DCDC1: variants seen among roughly 807,000 people sequenced by gnomAD.
DCDC1 encodes doublecortin domain containing 1, also known as doublecortin domain-containing protein 1.
A neutral mutation model predicts 178.3 loss-of-function variants in DCDC1; 200 were observed. The ratio of observed to expected loss-of-function variants is 1.12; its 90% CI spans 1.00 to 1.26. DCDC1 has a LOEUF of 1.26. DCDC1 is among the 50% of genes most tolerant of loss of function. The pLI, the probability that DCDC1 is intolerant of heterozygous loss-of-function variation, is 0.00. For synonymous variants in DCDC1, 690 were observed against 604.8 expected (o/e 1.14, Z -2.07); for missense variants, 1,983 against 1,749.2 (o/e 1.13, Z -2.38).
chr11:30,899,087 T>C (rs7931000), intron 34 of DCDC1, among the ~76,000 whole-genome samples: 2,708 of 152,026 alleles, frequency 0.018, 85 homozygotes, highest in African/African-American at 0.062. Flanking sequence ...CTTCTGAAGA[T>C]TTTAGTACTT....
Position 30,922,531 on chromosome 11 carries a change from T to G in DCDC1, c.3105A>C (p.Gln1035His). Residue 1035 changes from glutamine to histidine, a missense_variant, in exon 24 of 39, where the codon CAA (glutamine) becomes CAC (histidine). By Grantham distance (24) the Gln-to-His change is conservative. Transcript: ENST00000684477. ...RNLESDIAKI[Q>H]IFCSTHKIEA... ...CTATTTTATGTGTGCTGCAGAAGAT[T>G]TGAATTTTGGCAATGTCTGATTCTA... 1 of 1,572,448 alleles carries G rather than the reference T, an allele frequency of 6.4e-7. No homozygotes were observed. The highest frequency in any genetic ancestry group is 1.2e-5 in the South Asian group (1 of 83,092).
At chr11:31,050,108 A>T (rs1413896672) in intron 20 of DCDC1, among the ~76,000 whole-genome samples, 1 of 152,104 alleles carries the variant, frequency 6.6e-6, no homozygotes, top group Non-Finnish European at 1.5e-5. Context: ...GCCTCAGGCA[A>T]ATTTTCAAGT....
At chr11:30,924,883 AG>A (rs947756210) in intron 23 of DCDC1, among the ~76,000 whole-genome samples, 1 of 152,062 alleles carries the variant, frequency 6.6e-6, no homozygotes, top group African/African-American at 2.4e-5. Flanking sequence ...GACCAGCCTG[AG>A]CAACATGTTG....
At chr11:31,026,192 A>G (rs1953221176) in intron 20 of DCDC1, among the ~76,000 whole-genome samples, 1 of 151,768 alleles carries the variant, frequency 6.6e-6, no homozygotes, top group South Asian at 2.1e-4. Flanking sequence ...CAAAAAAGAG[A>G]GAGATAAAAA....
intron 9 of DCDC1, among the ~76,000 whole-genome samples, chr11:31,238,907 T>C (rs1253591437): frequency 6.6e-6 from 1 of 152,112 alleles, no homozygotes. Context: ...TTGCATGCTA[T>C]AACAGCCAAG....
chr11:30,892,383 A>G (rs907798871), intron 36 of DCDC1, among the ~76,000 whole-genome samples: 3 of 152,086 alleles, frequency 2.0e-5, no homozygotes, highest in African/African-American at 7.2e-5. Flanking sequence ...GTGGTGGGTA[A>G]AAAAAGTTAC....
At chr11:30,956,536 G>A (rs562600832) in intron 20 of DCDC1, among the ~76,000 whole-genome samples, 3 of 152,216 alleles carry the variant, frequency 2.0e-5, no homozygotes, top group South Asian at 2.1e-4. Context: ...TATCCAGTTC[G>A]TTCTATGCAT....
chr11:31,188,662 G>C (rs527918340), intron 9 of DCDC1, among the ~76,000 whole-genome samples: 1 of 152,274 alleles, frequency 6.6e-6, no homozygotes, highest in Admixed American at 6.5e-5. Flanking sequence ...ACAGATATCA[G>C]ATACACAAAC....
chr11:31,181,417 C>T (rs959542831), intron 9 of DCDC1, among the ~76,000 whole-genome samples: 8 of 152,226 alleles, frequency 5.3e-5, no homozygotes, highest in African/African-American at 1.9e-4. Context: ...TGCCTCCTGA[C>T]TGGGAGATAT....
At chr11:31,205,970 TA>T (rs1461486332) in intron 9 of DCDC1, among the ~76,000 whole-genome samples, 2 of 152,248 alleles carry the variant, frequency 1.3e-5, no homozygotes, top group South Asian at 2.1e-4. Context: ...TATGTACACA[TA>T]AAAATTAAAA....
At chr11:31,297,971 C>A (rs376558642) in intron 6 of DCDC1, among the ~76,000 whole-genome samples, 1 of 152,104 alleles carries the variant, frequency 6.6e-6, no homozygotes. Flanking sequence ...AAGCTGTGCT[C>A]GGACCACCTT....
intron 11 of DCDC1, among the ~76,000 whole-genome samples, chr11:31,125,789 G>C (rs975643954): frequency 1.3e-5 from 2 of 152,088 alleles, no homozygotes; most frequent in Non-Finnish European, 2.9e-5. Flanking sequence ...CGGTTGGGTG[G>C]GGGGTAGAGC....
intron 20 of DCDC1, among the ~76,000 whole-genome samples, chr11:31,021,247 A>C (rs1323822667): frequency 6.6e-6 from 1 of 152,212 alleles, no homozygotes; most frequent in African/African-American, 2.4e-5. Context: ...CTATGTATTT[A>C]TACATATATG....
intron 20 of DCDC1, among the ~76,000 whole-genome samples, chr11:30,977,913 G>C (rs1425704911): frequency 6.6e-6 from 1 of 152,206 alleles, no homozygotes; most frequent in East Asian, 1.9e-4. Context: ...TTGGGTGACA[G>C]ACCGAGACCC....
chr11:31,214,332 T>C (rs979658423), intron 9 of DCDC1, among the ~76,000 whole-genome samples: 13 of 152,300 alleles, frequency 8.5e-5, no homozygotes, highest in African/African-American at 2.6e-4. Context: ...AGGTATAAAA[T>C]TATGAACAAC....
intron 9 of DCDC1, among the ~76,000 whole-genome samples, chr11:31,168,160 G>C (rs1241299756): frequency 6.6e-6 from 1 of 152,032 alleles, no homozygotes; most frequent in African/African-American, 2.4e-5. Flanking sequence ...AACCCCATTT[G>C]ATGTACCCAC....
chr11:31,044,688 T>C (rs939657299), intron 20 of DCDC1, among the ~76,000 whole-genome samples: 1 of 152,016 alleles, frequency 6.6e-6, no homozygotes, highest in Non-Finnish European at 1.5e-5. Flanking sequence ...GGAAGCTGAG[T>C]CTTCCCCAGA....
At chr11:31,332,245 T>C (rs941946506) in intron 2 of DCDC1, among the ~76,000 whole-genome samples, 1 of 152,222 alleles carries the variant, frequency 6.6e-6, no homozygotes, top group Non-Finnish European at 1.5e-5. Flanking sequence ...TCATTTTTTA[T>C]TGCGTCTATT....
chr11:31,346,536 A>T (rs2133261773), intron 1 of DCDC1, among the ~76,000 whole-genome samples: 2 of 151,538 alleles, frequency 1.3e-5, no homozygotes, highest in Admixed American at 1.3e-4. Context: ...TTAGTTCCTG[A>T]TTTGAACAAA....
Sources: allele counts gnomAD v4.1 joint callset (sites outside exome capture counted in the v4.1 genomes callset), GRCh38; gene constraint gnomAD v4.1.1; transcripts MANE v1.5; gene names NCBI Gene and HGNC (gene_info 2026-07-23, HGNC 2026-07-21).